SNX29: variants seen among roughly 807,000 people sequenced by gnomAD.
The protein encoded by SNX29 is sorting nexin 29.
SNX29 carries 78 observed loss-of-function variants against 102.1 expected under a neutral mutation model. The ratio of observed to expected loss-of-function variants is 0.76; its 90% confidence interval spans 0.64 to 0.92. The LOEUF (loss-of-function observed/expected upper bound fraction) is 0.92, where lower values mean the gene tolerates loss of function less well. SNX29 is among the 40% of genes least tolerant of loss of function. The pLI is 0.00. For synonymous variants in SNX29, 580 were observed against 414.5 expected, an observed-to-expected ratio of 1.40 and a Z score of -4.85; for missense variants, 1,280 against 1,061.7, an observed-to-expected ratio of 1.21 and a Z score of -2.86.
chr16:12,547,326 G>A (rs181718578), intron 20 of SNX29, among the ~76,000 whole-genome samples: 230 of 152,318 alleles, frequency 1.5e-3, no homozygotes, highest in African/African-American at 4.9e-3. Context: ...GGAACAGAGA[G>A]GCCTTGCAGC....
chr16:12,519,259 A>C (rs16959809), intron 19 of SNX29, among the ~76,000 whole-genome samples: 2,873 of 152,324 alleles, frequency 0.019, 103 homozygotes, highest in African/African-American at 0.066. Flanking sequence ...CTTGTGGTGA[A>C]AATGGTGGCA....
At chr16:12,091,039 G>GAAAAAAAAAAAAA (rs769027308) in intron 11 of SNX29, among the ~76,000 whole-genome samples, 1 of 111,180 alleles carries the variant, frequency 9.0e-6, no homozygotes, top group African/African-American at 3.7e-5. Context: ...AAAAAAAAAA[G>GAAAAAAAAAAAAA]AAAGAAAAAG....
chr16:12,408,164 A>AAAC (rs1567533192), intron 18 of SNX29, among the ~76,000 whole-genome samples: 23 of 149,956 alleles, frequency 1.5e-4, no homozygotes, highest in Non-Finnish European at 2.7e-4. Flanking sequence ...TCTCAAAAAA[A>AAAC]CAAACAAACA....
At chr16:12,044,510 C>T (rs1054686575) in intron 5 of SNX29, among the ~76,000 whole-genome samples, 3 of 152,134 alleles carry the variant, frequency 2.0e-5, no homozygotes, top group South Asian at 2.1e-4. Flanking sequence ...GGTCAGAGTT[C>T]GGAGGCTGAG....
intron 14 of SNX29, among the ~76,000 whole-genome samples, chr16:12,247,700 A>G (rs933172167): frequency 3.3e-5 from 5 of 152,214 alleles, no homozygotes; most frequent in African/African-American, 1.2e-4. Flanking sequence ...TCAAGGTTTA[A>G]AAAGTCCCAC....
chr16:12,182,645 C>T (rs546356412), intron 13 of SNX29, among the ~76,000 whole-genome samples: 38 of 152,242 alleles, frequency 2.5e-4, no homozygotes, highest in African/African-American at 8.2e-4. Context: ...ATAGAAATGT[C>T]ATCCTGAGGC....
intron 13 of SNX29, among the ~76,000 whole-genome samples, chr16:12,171,011 A>C (rs991287398): frequency 6.6e-6 from 1 of 152,032 alleles, no homozygotes; most frequent in Non-Finnish European, 1.5e-5. Flanking sequence ...GTGATTTTAC[A>C]TATCTTAGAT....
At chr16:12,549,078 C>T (rs1281561306) in intron 20 of SNX29, among the ~76,000 whole-genome samples, 5 of 152,176 alleles carry the variant, frequency 3.3e-5, no homozygotes, top group Non-Finnish European at 5.9e-5. Flanking sequence ...TCATAGTGTT[C>T]GGCTCCCTGT....
chr16:12,562,668 T>C (rs1418230598), intron 20 of SNX29, among the ~76,000 whole-genome samples: 1 of 152,200 alleles, frequency 6.6e-6, no homozygotes, highest in Non-Finnish European at 1.5e-5. Context: ...CGGGAAAGTC[T>C]AGATTTACAG....
intron 18 of SNX29, among the ~76,000 whole-genome samples, chr16:12,444,797 CTG>C (rs964940648): frequency 2.0e-5 from 3 of 151,680 alleles, no homozygotes; most frequent in African/African-American, 7.3e-5. Context: ...GGTGAGCAAA[CTG>C]TGGCTTGTGG....
intron 11 of SNX29, among the ~76,000 whole-genome samples, chr16:12,100,916 G>A (rs1279888624): frequency 6.6e-6 from 1 of 152,096 alleles, no homozygotes; most frequent in Non-Finnish European, 1.5e-5. Context: ...CTGGGGGAGG[G>A]CTGGGGACTT....
intron 20 of SNX29, among the ~76,000 whole-genome samples, chr16:12,562,236 A>G (rs1040698171): frequency 6.6e-6 from 1 of 152,078 alleles, no homozygotes; most frequent in East Asian, 1.9e-4. Context: ...TTCAGAAGTG[A>G]AGGGCGAGGG....
At chr16:12,553,014 T>A (rs2078084255) in intron 20 of SNX29, among the ~76,000 whole-genome samples, 2 of 152,160 alleles carry the variant, frequency 1.3e-5, no homozygotes, top group Non-Finnish European at 2.9e-5. Flanking sequence ...GAGAGTGGGA[T>A]TAGATCAGCT....
chr16:12,560,571 G>C (rs1410609090), intron 20 of SNX29, among the ~76,000 whole-genome samples: 1 of 152,108 alleles, frequency 6.6e-6, no homozygotes, highest in African/African-American at 2.4e-5. Flanking sequence ...GTGATTCCTT[G>C]GGGTCTGTCC....
chr16:12,408,189 T>TAAAAAAAA (rs2084253242), intron 18 of SNX29, among the ~76,000 whole-genome samples: 3 of 122,974 alleles, frequency 2.4e-5, no homozygotes, highest in African/African-American at 9.1e-5. Context: ...AAAAAAAAAC[T>TAAAAAAAA]AGAAGCAGCT....
intron 16 of SNX29, chr16:12,375,495 G>T (rs558555042): frequency 6.6e-6 from 1 of 152,146 alleles, no homozygotes; most frequent in Non-Finnish European, 1.5e-5. Flanking sequence ...AGCCTCAGCC[G>T]GTGACTGCAG....
At chr16:12,423,896 A>G (rs1307895465) in intron 18 of SNX29, among the ~76,000 whole-genome samples, 2 of 152,160 alleles carry the variant, frequency 1.3e-5, no homozygotes, top group Non-Finnish European at 1.5e-5. Context: ...AGAAGAGTGC[A>G]TGTCAGGGCC....
intron 3 of SNX29, among the ~76,000 whole-genome samples, chr16:12,008,731 GT>G (rs57686878): frequency 0.22 from 30,619 of 139,762 alleles, 2,971 homozygotes; most frequent in Admixed American, 0.34. Context: ...ATTGTATTTA[GT>G]TTTTTTTTTT....
At chr16:12,547,577 C>T (rs894485203) in intron 20 of SNX29, among the ~76,000 whole-genome samples, 5 of 151,942 alleles carry the variant, frequency 3.3e-5, no homozygotes, top group East Asian at 1.9e-4. Flanking sequence ...CCCTCCCTCA[C>T]GAGGATTAAA....
Sources: allele counts gnomAD v4.1 joint callset (sites outside exome capture counted in the v4.1 genomes callset), GRCh38; gene constraint gnomAD v4.1.1; transcripts MANE v1.5; gene names NCBI Gene and HGNC (gene_info 2026-07-23, HGNC 2026-07-21).